Variants in FOXQ1 observed in about 807,000 individuals in gnomAD.
FOXQ1 encodes the protein forkhead box protein Q1.
A neutral mutation model predicts 0.6 loss-of-function variants in FOXQ1; 1 was observed. The ratio of observed to expected loss-of-function variants is 1.73; its 90% CI spans 0.61 to 8.20. FOXQ1 has a LOEUF of 8.20. Ranked by LOEUF, FOXQ1 falls within the 30% of genes most tolerant of loss-of-function variation. The pLI is 0.13. For synonymous variants in FOXQ1, 377 were observed against 294.4 expected (o/e 1.28, Z -2.87); for missense variants, 734 against 595.6 (o/e 1.23, Z -2.42).
chr6:1,313,895 G>T lies in FOXQ1; in HGVS notation c.1191G>T (p.Pro397=), dbSNP rs1487799292. 11 of 1,310,838 alleles carry T rather than the reference G, an allele frequency of 8.4e-6. No homozygotes were observed. Among genetic ancestry groups the T allele is most frequent in the Non-Finnish European group, 1.1e-5 (11 of 1,035,474 alleles). 81.2% of individuals were successfully genotyped at this position (1,310,838 alleles called of 1,614,324 possible). Residue 397 remains proline (P), a synonymous_variant, in exon 1 of 1, where the codon CCG becomes CCT. Coordinates refer to ENST00000296839, the MANE Select transcript of FOXQ1 (RefSeq NM_033260.4). This position sits in a 1 kb window ranked among gnomAD's most constrained non-coding sequence, Gnocchi z 5.2. ...GCCCTGGCCCGCACCTGCCGTACCC[G>T]GTGGAGACGCTCCTAGCCTGAGTAG... ...VRRPGPHLPY[P]VETLLA is the part of the protein sequence containing the mutation.
rs1561762217 is a variant in FOXQ1 at position 1,313,956 on chromosome 6, C to T, written c.*40C>T. On this transcript the variant is annotated 3_prime_UTR_variant, in exon 1 of 1. Transcript: ENST00000296839. The surrounding 1 kb of genome is among the most constrained non-coding windows in gnomAD (Gnocchi z 5.2). Reference sequence around the variant, plus strand: ...CCCGGGAACGCCGAGTGCGCGCCGTCGGGGAGGCGGGAACGCGGGCCCGCG... The same window carrying T: ...CCCGGGAACGCCGAGTGCGCGCCGTTGGGGAGGCGGGAACGCGGGCCCGCG... The T allele has an allele frequency of 8.2e-7, 1 of 1,220,048 alleles. No homozygotes were observed. The highest frequency in any genetic ancestry group is 1.0e-6 in the Non-Finnish European group (1 of 979,194). The allele number at this position is 1,220,048 out of a possible 1,614,324, so 75.6% of individuals were successfully genotyped here.
rs545254909 is a variant in FOXQ1 at position 1,313,015 on chromosome 6, G to A, written c.311G>A (p.Gly104Glu). The change falls in exon 1 of 1, where the codon GGG (glycine) becomes GAG (glutamate). Residue 104 changes from glycine (G) to glutamate (E), a missense_variant. By Grantham distance (98) the Gly-to-Glu change is moderately conservative. Transcript: ENST00000296839. This position sits in a 1 kb window ranked among gnomAD's most constrained non-coding sequence, Gnocchi z 5.2. ...GCGGGGCCAGGCGCGGGCGGCGCGGGGAGCGGCGAGGGTGCACGCAGCAAG... is the reference window on the plus strand; with the variant it reads ...GCGGGGCCAGGCGCGGGCGGCGCGGAGAGCGGCGAGGGTGCACGCAGCAAG... ...GAAGPGAGGA[G>E]SGEGARSKPY... 447 of 1,413,482 alleles carry A rather than the reference G, an allele frequency of 3.2e-4. 2 individuals are homozygous for A. Among genetic ancestry groups the A allele is most frequent in the Non-Finnish European group, 4.8e-5 (52 of 1,084,254 alleles). 87.6% of individuals were successfully genotyped at this position (1,413,482 alleles called of 1,614,324 possible).
chr6:1,313,587 C>G lies in FOXQ1; in HGVS notation c.883C>G (p.Leu295Val), dbSNP rs777685796. ...RLRDTAPGTT[L>V]QWGAAPCPPL... ...CAGGGACACGGCCCCCGGGACGACG[C>G]TTCAGTGGGGCGCCGCGCCCTGCCC... The change falls in exon 1 of 1, where the codon CTT (leucine) becomes GTT (valine). Residue 295 changes from leucine (L) to valine (V), a missense_variant. Physicochemically the swap from Leu to Val is conservative, Grantham distance 32. Coordinates refer to ENST00000296839, the MANE Select transcript of FOXQ1 (RefSeq NM_033260.4). This position sits in a 1 kb window ranked among gnomAD's most constrained non-coding sequence, Gnocchi z 5.2. 5.1e-6 allele frequency: 6 copies of G among 1,177,186 alleles called. No individual in the cohort carries two copies. Among genetic ancestry groups the G allele is most frequent in the Admixed American group, 3.9e-5 (1 of 25,494 alleles). The allele number at this position is 1,177,186 out of a possible 1,614,324, so 72.9% of individuals were successfully genotyped here.
In FOXQ1 at chr6:1,312,790, C is replaced by A; in HGVS notation, c.86C>A (p.Pro29Gln). 1 of 1,304,868 alleles carries A rather than the reference C, an allele frequency of 7.7e-7. No homozygotes were observed. Among genetic ancestry groups the A allele is most frequent in the South Asian group, 2.2e-5 (1 of 45,328 alleles). 80.8% of individuals were successfully genotyped at this position (1,304,868 alleles called of 1,614,324 possible). ...GAGGGCGCGGGCGGCAGCGACGCGC[C>A]GTCCCCGCTGTCGGCGGCGGGAGAC... ...DLEGAGGSDA[P>Q]SPLSAAGDDS... The change falls in exon 1 of 1, where the codon CCG (proline) becomes CAG (glutamine). Residue 29 changes from proline to glutamine, a missense_variant. Physicochemically the swap from Pro to Gln is moderately conservative, Grantham distance 76. Transcript: ENST00000296839.
chr6:1,313,285 G>T lies in FOXQ1; in HGVS notation c.581G>T (p.Trp194Leu), dbSNP rs1313904282. The T allele has an allele frequency of 2.5e-6, 4 of 1,609,160 alleles. No homozygotes were observed. ...PSRPWGKDNY[W>L]MLNPNSEYTF... The stretch of plus-strand genomic sequence containing the variant: ...CGGCCCTGGGGCAAGGACAACTACT[G>T]GATGCTCAACCCCAACAGCGAGTAC... The change falls in exon 1 of 1, where the codon TGG (tryptophan) becomes TTG (leucine). Residue 194 changes from tryptophan (W) to leucine (L), a missense_variant. Transcript: ENST00000296839. This position sits in a 1 kb window ranked among gnomAD's most constrained non-coding sequence, Gnocchi z 5.2.
Position 1,313,578 on chromosome 6 carries a change from G to T in FOXQ1, c.874G>T (p.Gly292Trp). 2 of 1,206,894 alleles carry T rather than the reference G, an allele frequency of 1.7e-6. No individual in the cohort carries two copies. Among genetic ancestry groups the T allele is most frequent in the Non-Finnish European group, 1.0e-6 (1 of 957,058 alleles). 74.8% of individuals were successfully genotyped at this position (1,206,894 alleles called of 1,614,324 possible). ...RSRRLRDTAP[G>W]TTLQWGAAPC... ...CCGCCGCCTCAGGGACACGGCCCCC[G>T]GGACGACGCTTCAGTGGGGCGCCGC... is the stretch of plus-strand genomic sequence containing the variant. The change falls in exon 1 of 1, where the codon GGG becomes TGG. Residue 292 changes from glycine (G) to tryptophan (W), a missense_variant. Gly to Trp is a radical substitution (Grantham distance 184). Coordinates refer to ENST00000296839, the MANE Select transcript of FOXQ1 (RefSeq NM_033260.4). This position sits in a 1 kb window ranked among gnomAD's most constrained non-coding sequence, Gnocchi z 5.2.
rs1189653740 is a variant in FOXQ1 at position 1,312,805 on chromosome 6, C to G, written c.101C>G (p.Ala34Gly). Reference protein sequence around the residue: ...GGSDAPSPLSAAGDDSLGSDG... With the variant: ...GGSDAPSPLSGAGDDSLGSDG... ...AGCGACGCGCCGTCCCCGCTGTCGGCGGCGGGAGACGACTCCCTGGGCTCA... is the reference window on the plus strand; with the variant it reads ...AGCGACGCGCCGTCCCCGCTGTCGGGGGCGGGAGACGACTCCCTGGGCTCA... The change falls in exon 1 of 1, where the codon GCG becomes GGG. Residue 34 changes from alanine (A) to glycine (G), a missense_variant. Coordinates refer to ENST00000296839, the MANE Select transcript of FOXQ1 (RefSeq NM_033260.4). 2.3e-6 allele frequency: 3 copies of G among 1,302,390 alleles called. No individual in the cohort carries two copies. Among genetic ancestry groups the G allele is most frequent in the African/African-American group, 1.5e-5 (1 of 64,524 alleles). 80.7% of individuals were successfully genotyped at this position (1,302,390 alleles called of 1,614,324 possible). A position where few individuals can be genotyped will look rare whatever the true frequency, so the allele number is the denominator to read the frequency against.
At position 1,312,643 on chromosome 6, in the gene FOXQ1, A is replaced by G. The variant is rs1757565308; in HGVS notation, c.-62A>G. The G allele has an allele frequency of 2.4e-6, 3 of 1,275,524 alleles. No individual in the cohort carries two copies. In the South Asian group the frequency reaches 7.9e-5, roughly 34 times the overall value. 79.0% of individuals were successfully genotyped at this position (1,275,524 alleles called of 1,614,324 possible). On this transcript the variant is annotated 5_prime_UTR_variant, in exon 1 of 1. Coordinates refer to ENST00000296839, the MANE Select transcript of FOXQ1 (RefSeq NM_033260.4). ...GATCGCCATCCCCTTCCCTGGCACC[A>G]GCTTCTCTAGGCTGCGCGAAGGAAG...
rs1426486390 is a variant in FOXQ1, at chr6:1,312,260, T to C, written c.-445T>C. On this transcript the variant is annotated 5_prime_UTR_variant, in exon 1 of 1. Transcript: ENST00000296839. ...TGGCACGCACATCATCCGGCACCAT[T>C]TCCGTGCCCCGAAGACGCCCGCGCG... Among the ~76,000 whole-genome samples the C allele has an allele frequency of 2.6e-5, 4 of 152,130 alleles. No individual in the cohort carries two copies. Among genetic ancestry groups the C allele is most frequent in the African/African-American group, 7.2e-5 (3 of 41,458 alleles).
At position 1,312,657 on chromosome 6, in the gene FOXQ1, G is replaced by A. The variant is rs1393334921; in HGVS notation, c.-48G>A. On this transcript the variant is annotated 5_prime_UTR_variant, in exon 1 of 1. Transcript: ENST00000296839. ...TCCCTGGCACCAGCTTCTCTAGGCT[G>A]CGCGAAGGAAGAGGGTACGACGCCG... 6 of 1,284,712 alleles carry A rather than the reference G, an allele frequency of 4.7e-6. No individual in the cohort carries two copies. The highest frequency in any genetic ancestry group is 5.9e-6 in the Non-Finnish European group (6 of 1,017,084). The allele number at this position is 1,284,712 out of a possible 1,614,324, so 79.6% of individuals were successfully genotyped here.
In FOXQ1 at chr6:1,312,803, G is replaced by C; in HGVS notation, c.99G>C (p.Ser33=). 1 of 1,304,146 alleles carries C rather than the reference G, an allele frequency of 7.7e-7. No homozygotes were observed. Among genetic ancestry groups the C allele is most frequent in the Non-Finnish European group, 9.7e-7 (1 of 1,027,820 alleles). 80.8% of individuals were successfully genotyped at this position (1,304,146 alleles called of 1,614,324 possible). A position where few individuals can be genotyped will look rare whatever the true frequency, so the allele number is the denominator to read the frequency against. ...AGGSDAPSPL[S]AAGDDSLGSD... Reference sequence around the variant, plus strand: ...GCAGCGACGCGCCGTCCCCGCTGTCGGCGGCGGGAGACGACTCCCTGGGCT... The same window carrying C: ...GCAGCGACGCGCCGTCCCCGCTGTCCGCGGCGGGAGACGACTCCCTGGGCT... The change falls in exon 1 of 1, where the codon TCG becomes TCC. Residue 33 remains serine (S), a synonymous_variant. Coordinates refer to ENST00000296839, the MANE Select transcript of FOXQ1 (RefSeq NM_033260.4).
chr6:1,313,019 C>G lies in FOXQ1; in HGVS notation c.315C>G (p.Ser105Arg), dbSNP rs370291379. ...GGCCAGGCGCGGGCGGCGCGGGGAGCGGCGAGGGTGCACGCAGCAAGCCAT... is the reference window on the plus strand; with the variant it reads ...GGCCAGGCGCGGGCGGCGCGGGGAGGGGCGAGGGTGCACGCAGCAAGCCAT... ...AAGPGAGGAG[S>R]GEGARSKPYT... Residue 105 changes from serine to arginine, a missense_variant, in exon 1 of 1, where the codon AGC becomes AGG. By Grantham distance (110) the Ser-to-Arg change is moderately radical. Transcript: ENST00000296839. This position sits in a 1 kb window ranked among gnomAD's most constrained non-coding sequence, Gnocchi z 5.2. 4.2e-5 allele frequency: 60 copies of G among 1,436,954 alleles called. No individual in the cohort carries two copies. In the African/African-American group the frequency reaches 7.9e-4, roughly 19 times the overall value. The allele number at this position is 1,436,954 out of a possible 1,614,324, so 89.0% of individuals were successfully genotyped here. A position where few individuals can be genotyped will look rare whatever the true frequency, so the allele number is the denominator to read the frequency against.
Position 1,312,875 on chromosome 6 carries a change from C to T in FOXQ1, c.171C>T (p.Ala57=). 1 of 1,278,576 alleles carries T rather than the reference C, an allele frequency of 7.8e-7. No homozygotes were observed. Among genetic ancestry groups the T allele is most frequent in the Non-Finnish European group, 9.8e-7 (1 of 1,015,572 alleles). The allele number at this position is 1,278,576 out of a possible 1,614,324, so 79.2% of individuals were successfully genotyped here. ...AANSPAAGGG[A]RDTQGDGEQS... ...ACAGCCCGGCCGCGGGCGGCGGCGC[C>T]AGAGATACGCAGGGCGACGGCGAAC... Residue 57 remains alanine, a synonymous_variant, in exon 1 of 1, where the codon GCC becomes GCT. Coordinates refer to ENST00000296839, the MANE Select transcript of FOXQ1 (RefSeq NM_033260.4).
Position 1,313,688 on chromosome 6 carries a change from G to A in FOXQ1, c.984G>A (p.Ala328=). ...TGCTGCCGCTCTGCGCGTACGGCGC[G>A]GGCGAGCCGGCGCGGCTGGGCGCGC... The part of the protein sequence containing the change: ...RALLPLCAYG[A]GEPARLGARE... Residue 328 remains alanine, a synonymous_variant, in exon 1 of 1, where the codon GCG becomes GCA. Transcript: ENST00000296839. This position sits in a 1 kb window ranked among gnomAD's most constrained non-coding sequence, Gnocchi z 5.2. The A allele has an allele frequency of 9.7e-7, 1 of 1,035,700 alleles. No individual in the cohort carries two copies. Among genetic ancestry groups the A allele is most frequent in the Non-Finnish European group, 1.2e-6 (1 of 865,126 alleles). The allele number at this position is 1,035,700 out of a possible 1,614,324, so 64.2% of individuals were successfully genotyped here. A position where few individuals can be genotyped will look rare whatever the true frequency, so the allele number is the denominator to read the frequency against.
At position 1,312,795 on chromosome 6, in the gene FOXQ1, C is replaced by A; in HGVS notation, c.91C>A (p.Pro31Thr). 1 of 1,303,900 alleles carries A rather than the reference C, an allele frequency of 7.7e-7. No individual in the cohort carries two copies. Among genetic ancestry groups the A allele is most frequent in the Non-Finnish European group, 9.7e-7 (1 of 1,027,876 alleles). The allele number at this position is 1,303,900 out of a possible 1,614,324, so 80.8% of individuals were successfully genotyped here. A position where few individuals can be genotyped will look rare whatever the true frequency, so the allele number is the denominator to read the frequency against. ...CGCGGGCGGCAGCGACGCGCCGTCC[C>A]CGCTGTCGGCGGCGGGAGACGACTC... ...EGAGGSDAPS[P>T]LSAAGDDSLG... The change falls in exon 1 of 1, where the codon CCG becomes ACG. Residue 31 changes from proline (P) to threonine (T), a missense_variant. Transcript: ENST00000296839.
rs1309287722 is a variant in FOXQ1, at chr6:1,313,514, C to T, written c.810C>T (p.Ser270=). The T allele has an allele frequency of 5.6e-6, 7 of 1,250,176 alleles. No individual in the cohort carries two copies. The highest frequency in any genetic ancestry group is 2.6e-5 in the Admixed American group (1 of 38,582). 77.4% of individuals were successfully genotyped at this position (1,250,176 alleles called of 1,614,324 possible). ...RASPAGKFSS[S]FAIDSILRKP... ...GCCCCGCGGGCAAGTTCTCCAGCTC[C>T]TTCGCCATCGACAGCATCCTGCGCA... Residue 270 remains serine, a synonymous_variant, in exon 1 of 1, where the codon TCC becomes TCT. Transcript: ENST00000296839. The surrounding 1 kb of genome is among the most constrained non-coding windows in gnomAD (Gnocchi z 5.2).
At position 1,313,416 on chromosome 6, in the gene FOXQ1, G is replaced by T. The variant is rs1343729048; in HGVS notation, c.712G>T (p.Ala238Ser). The T allele has an allele frequency of 1.5e-5, 15 of 1,008,850 alleles. No homozygotes were observed. Among genetic ancestry groups the T allele is most frequent in the Non-Finnish European group, 1.8e-5 (15 of 847,564 alleles). 62.5% of individuals were successfully genotyped at this position (1,008,850 alleles called of 1,614,324 possible). The change falls in exon 1 of 1, where the codon GCC (alanine) becomes TCC (serine). Residue 238 changes from alanine (A) to serine (S), a missense_variant. Physicochemically the swap from Ala to Ser is moderately conservative, Grantham distance 99. Transcript: ENST00000296839. This position sits in a 1 kb window ranked among gnomAD's most constrained non-coding sequence, Gnocchi z 5.2. ...CGAGGAGGCCCCGGGCCTCCCCGCC[G>T]CCCCGCCGCCCGCGCCCGCCGCCCC... Reference protein sequence around the residue: ...RPEEAPGLPAAPPPAPAAPAS... With the variant: ...RPEEAPGLPASPPPAPAAPAS...
In FOXQ1 at chr6:1,312,637, G is replaced by A. The variant is rs868581653; in HGVS notation, c.-68G>A. 9.4e-6 allele frequency: 12 copies of A among 1,275,876 alleles called. No homozygotes were observed. Among genetic ancestry groups the A allele is most frequent in the Middle Eastern group, 4.3e-4 (2 of 4,624 alleles). 79.0% of individuals were successfully genotyped at this position (1,275,876 alleles called of 1,614,324 possible). ...GCCCCGGATCGCCATCCCCTTCCCT[G>A]GCACCAGCTTCTCTAGGCTGCGCGA... On this transcript the variant is annotated 5_prime_UTR_variant, in exon 1 of 1. Coordinates refer to ENST00000296839, the MANE Select transcript of FOXQ1 (RefSeq NM_033260.4).
At position 1,313,927 on chromosome 6, in the gene FOXQ1, G is replaced by A. The variant is rs935885144; in HGVS notation, c.*11G>A. The A allele has an allele frequency of 1.6e-6, 2 of 1,227,990 alleles. No homozygotes were observed. The highest frequency in any genetic ancestry group is 2.0e-6 in the Non-Finnish European group (2 of 984,752). The allele number at this position is 1,227,990 out of a possible 1,614,324, so 76.1% of individuals were successfully genotyped here. A position where few individuals can be genotyped will look rare whatever the true frequency, so the allele number is the denominator to read the frequency against. ...ACGCTCCTAGCCTGAGTAGCGCCGC[G>A]GGGCCCGGGAACGCCGAGTGCGCGC... is the stretch of plus-strand genomic sequence containing the variant. On this transcript the variant is annotated 3_prime_UTR_variant, in exon 1 of 1. Transcript: ENST00000296839. This position sits in a 1 kb window ranked among gnomAD's most constrained non-coding sequence, Gnocchi z 5.2.
Sources: allele counts gnomAD v4.1 joint callset (sites outside exome capture counted in the v4.1 genomes callset), GRCh38; gene constraint gnomAD v4.1.1; non-coding constraint Gnocchi (gnomAD v3.1); transcripts MANE v1.5; gene names NCBI Gene and HGNC (gene_info 2026-07-23, HGNC 2026-07-21).